The following AP4E1 variants were observed in gnomAD, a reference collection of about 807,000 sequenced individuals.
AP4E1 encodes adaptor related protein complex 4 subunit epsilon 1, also known as AP-4 complex subunit epsilon-1.
Under a neutral mutation model 128.2 loss-of-function variants are expected in AP4E1, and 56 were observed. The ratio of observed to expected loss-of-function variants is 0.44; its 90% CI spans 0.35 to 0.55. The LOEUF is 0.55. Among genes scored for constraint, AP4E1 ranks in the 20% least tolerant of loss-of-function variants. The pLI, the probability that AP4E1 is intolerant of heterozygous loss-of-function variation, is 0.00. For synonymous variants in AP4E1, 484 were observed against 473.1 expected, an observed-to-expected ratio of 1.02 and a Z score of -0.30; for missense variants, 1,324 against 1,307.7, an observed-to-expected ratio of 1.01 and a Z score of -0.19.
chr15:50,934,336 G>A (rs1047436111), intron 7 of AP4E1, among the ~76,000 whole-genome samples: 3 of 151,986 alleles, frequency 2.0e-5, no homozygotes, highest in African/African-American at 7.2e-5. Context: ...ATAAAATATA[G>A]TATGTTCAAC....
chr15:50,928,160 G>A (rs377611693), intron 5 of AP4E1, among the ~76,000 whole-genome samples: 4 of 152,170 alleles, frequency 2.6e-5, no homozygotes, highest in African/African-American at 9.7e-5. Flanking sequence ...TATTCCATGT[G>A]TGTCCTTGTA....
intron 11 of AP4E1, 150 bp downstream of exon 11, chr15:50,948,309 AG>A (rs2064091324): frequency 1.1e-6 from 1 of 936,120 alleles, no homozygotes; most frequent in African/African-American, 1.7e-5. Flanking sequence ...TGTCAGAAAA[AG>A]GGATTTGTGT....
At chr15:50,948,339 CTT>C (rs66467957) in intron 11 of AP4E1, among the ~76,000 whole-genome samples, 180 bp downstream of exon 11, 4,622 of 121,998 alleles carry the variant, frequency 0.038, 231 homozygotes, top group African/African-American at 0.13. Flanking sequence ...TAGGAGATGG[CTT>C]TTTTTTTTTT....
intron 15 of AP4E1, among the ~76,000 whole-genome samples, chr15:50,976,004 A>C (rs2064545911): frequency 6.6e-6 from 1 of 151,810 alleles, no homozygotes; most frequent in Admixed American, 6.6e-5. Flanking sequence ...GTTCTTTTCA[A>C]CCTCTTCCAA....
intron 13 of AP4E1, among the ~76,000 whole-genome samples, chr15:50,955,049 TC>T (rs2064198893): frequency 6.6e-6 from 1 of 152,224 alleles, no homozygotes; most frequent in African/African-American, 2.4e-5. Context: ...TGCATAGTAT[TC>T]CATGGTGTAT....
intron 1 of AP4E1, among the ~76,000 whole-genome samples, chr15:50,910,941 C>T (rs936497458): frequency 1.3e-5 from 2 of 152,248 alleles, no homozygotes; most frequent in Admixed American, 6.5e-5. Flanking sequence ...GGATTACAGG[C>T]GTGAGCCACC....
chr15:50,913,108 G>T (rs1272486339), intron 2 of AP4E1, among the ~76,000 whole-genome samples: 1 of 152,148 alleles, frequency 6.6e-6, no homozygotes, highest in African/African-American at 2.4e-5. Flanking sequence ...TTTTGCATAA[G>T]CACATGATTG....
intron 8 of AP4E1, among the ~76,000 whole-genome samples, chr15:50,940,984 A>G (rs1365060024): frequency 1.3e-5 from 2 of 152,174 alleles, no homozygotes; most frequent in Admixed American, 1.3e-4. Context: ...TTGGCACGTA[A>G]ATGGTCGAAA....
chr15:50,988,242 A>G (rs918946567), intron 16 of AP4E1, among the ~76,000 whole-genome samples: 1 of 152,206 alleles, frequency 6.6e-6, no homozygotes, highest in African/African-American at 2.4e-5. Context: ...GAAGTGATCT[A>G]CCAAACAGCA....
chr15:50,913,917 G>A (rs1156698546), intron 2 of AP4E1, among the ~76,000 whole-genome samples: 5 of 152,094 alleles, frequency 3.3e-5, no homozygotes, highest in East Asian at 3.9e-4. Context: ...GGGTTCAAGC[G>A]ATTCTCCTGC....
chr15:50,989,650 C>G (rs1595576859), intron 16 of AP4E1, among the ~76,000 whole-genome samples: 2 of 152,196 alleles, frequency 1.3e-5, no homozygotes, highest in South Asian at 4.2e-4. Flanking sequence ...GGGAAAGAGA[C>G]AGGAACCCTT....
intron 13 of AP4E1, among the ~76,000 whole-genome samples, chr15:50,951,352 G>A (rs541187148): frequency 1.3e-5 from 2 of 152,338 alleles, no homozygotes; most frequent in African/African-American, 4.8e-5. Context: ...AGCTGCTAGA[G>A]CTGCTTTCAG....
Position 50,922,674 on chromosome 15 carries a change from G to A in AP4E1, c.347-1257G>A, listed in dbSNP as rs952850684. ...TCAAGATAGACTATGTGGAGAGGCA[G>A]TAAAATATGGGGGTTTAAAATATGG... On this transcript the variant is annotated intron_variant, in intron 3 of 20. Transcript: ENST00000261842. Among the ~76,000 whole-genome samples, 4 of 152,296 alleles carry A rather than the reference G, an allele frequency of 2.6e-5. No individual in the cohort carries two copies. The East Asian group carries it at 5.8e-4, about 22-fold the overall frequency.
intron 15 of AP4E1, among the ~76,000 whole-genome samples, chr15:50,976,854 TAATG>T (rs1018499332): frequency 7.9e-5 from 12 of 152,178 alleles, no homozygotes; most frequent in African/African-American, 2.9e-4. Flanking sequence ...CACTGAACGT[TAATG>T]AAAGAAATCA....
At chr15:50,937,288 A>G (rs1395139244) in intron 8 of AP4E1, among the ~76,000 whole-genome samples, 1 of 152,234 alleles carries the variant, frequency 6.6e-6, no homozygotes, top group Non-Finnish European at 1.5e-5. Flanking sequence ...CTTTAATTGA[A>G]TTAAAGGAAG....
intron 14 of AP4E1, among the ~76,000 whole-genome samples, chr15:50,961,032 G>T (rs185185766): frequency 1.3e-5 from 2 of 151,976 alleles, no homozygotes; most frequent in Admixed American, 6.5e-5. Context: ...TGATGGAAAC[G>T]AATAAATTCC....
intron 14 of AP4E1, among the ~76,000 whole-genome samples, chr15:50,965,719 C>T (rs1230965078): frequency 6.6e-6 from 1 of 152,158 alleles, no homozygotes; most frequent in African/African-American, 2.4e-5. Context: ...TATTCCTCCT[C>T]TATTTGAGAA....
chr15:50,947,168 C>T (rs538785741), intron 10 of AP4E1, among the ~76,000 whole-genome samples: 1 of 152,150 alleles, frequency 6.6e-6, no homozygotes, highest in South Asian at 2.1e-4. Context: ...GTAATCCCAA[C>T]ACTTGGGGAG....
intron 8 of AP4E1, among the ~76,000 whole-genome samples, chr15:50,935,624 A>C (rs1368574338): frequency 1.3e-5 from 2 of 152,182 alleles, no homozygotes; most frequent in Non-Finnish European, 2.9e-5. Context: ...GATGTAACTC[A>C]AATGAGAAGT....
Sources: gnomAD v4.1 joint callset for allele counts (sites outside exome capture counted in the v4.1 genomes callset) on GRCh38, gnomAD v4.1.1 for gene constraint, MANE v1.5 for transcripts, NCBI Gene and HGNC (gene_info 2026-07-23, HGNC 2026-07-21) for gene names.